CNTNAP2: variants seen among roughly 807,000 people sequenced by gnomAD.
The protein encoded by CNTNAP2 is contactin associated protein 2, also known as contactin-associated protein-like 2.
In CNTNAP2, 98 loss-of-function variants were observed where a neutral mutation model predicts 155.2. The observed-to-expected ratio is 0.63, with a 90% CI of 0.54 to 0.75. CNTNAP2 has a LOEUF of 0.75. CNTNAP2 is among the 30% of genes least tolerant of loss of function. The pLI, the probability that CNTNAP2 is intolerant of heterozygous loss-of-function variation, is 0.00. For synonymous variants in CNTNAP2, 651 were observed against 631.2 expected, an observed-to-expected ratio of 1.03 and a Z score of -0.47; for missense variants, 1,727 against 1,688.1, an observed-to-expected ratio of 1.02 and a Z score of -0.40.
intron 1 of CNTNAP2, among the ~76,000 whole-genome samples, chr7:146,208,056 A>G (rs1317892685): frequency 6.6e-6 from 1 of 152,078 alleles, no homozygotes; most frequent in Non-Finnish European, 1.5e-5. Context: ...TTCAGTAAAT[A>G]CATAAGTAGG....
intron 1 of CNTNAP2, among the ~76,000 whole-genome samples, chr7:146,721,946 T>C (rs1801343790): frequency 7.0e-6 from 1 of 142,478 alleles, no homozygotes; most frequent in East Asian, 2.0e-4. Context: ...TGGAGTGCAG[T>C]GGCACGACTT....
At chr7:147,155,233 T>C (rs1249933544) in intron 8 of CNTNAP2, among the ~76,000 whole-genome samples, 1 of 152,134 alleles carries the variant, frequency 6.6e-6, no homozygotes, top group Admixed American at 6.6e-5. Context: ...TTCTGCCATG[T>C]GAGGACACAG....
chr7:146,641,130 T>G (rs1248789313), intron 1 of CNTNAP2, among the ~76,000 whole-genome samples: 7 of 152,030 alleles, frequency 4.6e-5, no homozygotes, highest in African/African-American at 1.4e-4. Flanking sequence ...ATCGAGGCCA[T>G]CCTGGCTAAC....
chr7:146,539,403 C>T (rs1427071951), intron 1 of CNTNAP2, among the ~76,000 whole-genome samples: 1 of 151,868 alleles, frequency 6.6e-6, no homozygotes, highest in Non-Finnish European at 1.5e-5. Flanking sequence ...AAAAAACCAA[C>T]CCATCCAAGC....
chr7:147,753,777 A>C (rs533839404), intron 13 of CNTNAP2, among the ~76,000 whole-genome samples: 6 of 152,336 alleles, frequency 3.9e-5, no homozygotes, highest in Non-Finnish European at 7.3e-5. Flanking sequence ...TGAGTGACAA[A>C]GAGGCTTCGT....
intron 13 of CNTNAP2, among the ~76,000 whole-genome samples, chr7:147,858,514 C>T (rs1799081777): frequency 1.3e-5 from 2 of 152,168 alleles, no homozygotes; most frequent in South Asian, 4.1e-4. Flanking sequence ...TTAATAAGTT[C>T]CTGGTATGTA....
At chr7:147,128,546 A>G in intron 6 of CNTNAP2, 147 bp from the exon 7 acceptor site, 1 of 788,988 alleles carries the variant, frequency 1.3e-6, no homozygotes, top group Non-Finnish European at 2.1e-6. Flanking sequence ...ACATAATTTA[A>G]TATGCCATAG....
chr7:147,094,873 TC>T (rs1800493698), intron 4 of CNTNAP2, among the ~76,000 whole-genome samples: 1 of 152,094 alleles, frequency 6.6e-6, no homozygotes, highest in Admixed American at 6.5e-5. Context: ...ATAACAGAAA[TC>T]TAATTTTGCA....
At chr7:147,588,013 A>G (rs1235908306) in intron 12 of CNTNAP2, among the ~76,000 whole-genome samples, 1 of 152,186 alleles carries the variant, frequency 6.6e-6, no homozygotes, top group South Asian at 2.1e-4. Flanking sequence ...ATTGATCTAG[A>G]TAAAATTTAA....
intron 2 of CNTNAP2, among the ~76,000 whole-genome samples, chr7:146,819,584 A>G (rs911915994): frequency 1.3e-5 from 2 of 152,014 alleles, no homozygotes; most frequent in Non-Finnish European, 2.9e-5. Context: ...TCATCTTTCA[A>G]TACCATTCAG....
chr7:146,831,198 C>T (rs188574561), intron 2 of CNTNAP2, among the ~76,000 whole-genome samples: 1 of 152,260 alleles, frequency 6.6e-6, no homozygotes, highest in Admixed American at 6.5e-5. Context: ...AAGAGGATCT[C>T]TCTTGTTATT....
chr7:146,722,220 GCTCA>G (rs1435103507), intron 1 of CNTNAP2, among the ~76,000 whole-genome samples: 1 of 151,848 alleles, frequency 6.6e-6, no homozygotes, highest in African/African-American at 2.4e-5. Context: ...ACGATAAGGT[GCTCA>G]CTATTTTCTG....
rs184626749 is a variant in CNTNAP2, at chr7:146,923,896, A to T, written c.402+83992A>T. On this transcript the variant is annotated intron_variant, in intron 3 of 23. Coordinates refer to ENST00000361727, the MANE Select transcript of CNTNAP2 (RefSeq NM_014141.6). Reference sequence around the variant, plus strand: ...TGAATATTCCTGGGACCTATCCCAGACTTACTGAGTCAGAAACTCAGGAGG... The same window carrying T: ...TGAATATTCCTGGGACCTATCCCAGTCTTACTGAGTCAGAAACTCAGGAGG... Among the ~76,000 whole-genome samples, 8 of 152,226 alleles carry T rather than the reference A, an allele frequency of 5.3e-5. 1 individual carries two copies. In the South Asian group the frequency reaches 8.3e-4, roughly 16 times the overall value.
chr7:148,361,750 T>C (rs1798625552), intron 21 of CNTNAP2, among the ~76,000 whole-genome samples: 1 of 152,202 alleles, frequency 6.6e-6, no homozygotes, highest in South Asian at 2.1e-4. Context: ...GACTGGGTAA[T>C]TTGTAAAGAA....
chr7:146,495,273 C>T (rs867026657), intron 1 of CNTNAP2, among the ~76,000 whole-genome samples: 4 of 152,068 alleles, frequency 2.6e-5, no homozygotes, highest in African/African-American at 9.7e-5. Flanking sequence ...ATTTCCATGT[C>T]GAGTAAGTAA....
At chr7:146,435,342 A>G (rs1376377542) in intron 1 of CNTNAP2, among the ~76,000 whole-genome samples, 1 of 152,220 alleles carries the variant, frequency 6.6e-6, no homozygotes, top group African/African-American at 2.4e-5. Flanking sequence ...GTGCTTGGCA[A>G]TGTGAGTACC....
intron 18 of CNTNAP2, among the ~76,000 whole-genome samples, chr7:148,183,058 G>T (rs1795063009): frequency 6.6e-6 from 1 of 152,222 alleles, no homozygotes; most frequent in Admixed American, 6.5e-5. Context: ...CTGAGCACAA[G>T]TTTAGTGAAA....
At chr7:148,096,827 T>G (rs1159071172) in intron 15 of CNTNAP2, among the ~76,000 whole-genome samples, 1 of 152,126 alleles carries the variant, frequency 6.6e-6, no homozygotes, top group Non-Finnish European at 1.5e-5. Context: ...CAAAAGAGCT[T>G]CCCTACTGGG....
At chr7:148,043,089 A>T (rs7786651) in intron 15 of CNTNAP2, among the ~76,000 whole-genome samples, 11,775 of 152,240 alleles carry the variant, frequency 0.077, 1,102 homozygotes, top group African/African-American at 0.23. Flanking sequence ...TTGACACTAC[A>T]TCTCTGACAT....
Sources: allele counts gnomAD v4.1 joint callset (sites outside exome capture counted in the v4.1 genomes callset), GRCh38; gene constraint gnomAD v4.1.1; transcripts MANE v1.5; gene names NCBI Gene and HGNC (gene_info 2026-07-23, HGNC 2026-07-21).